FKBP6: variants seen among roughly 807,000 people sequenced by gnomAD.
The protein encoded by FKBP6 is inactive peptidyl-prolyl cis-trans isomerase FKBP6.
FKBP6 carries 29 observed loss-of-function variants against 41.7 expected under a neutral mutation model. The observed-to-expected ratio is 0.70, with a 90% CI of 0.52 to 0.95. FKBP6 has a LOEUF of 0.95. Ranked by LOEUF, FKBP6 falls within the 40% of genes least tolerant of loss-of-function variation. The pLI is 0.00. For missense variants in FKBP6, 338 were observed against 408.7 expected (o/e 0.83, Z 1.49); for synonymous variants, 130 against 165.1 (o/e 0.79, Z 1.63).
intron 8 of FKBP6, among the ~76,000 whole-genome samples, chr7:73,357,861 G>A (rs2116007276): frequency 6.6e-6 from 1 of 151,898 alleles, no homozygotes; most frequent in South Asian, 2.1e-4. Flanking sequence ...GGTGGTGCGT[G>A]CCTGTAATCC....
chr7:73,330,431 CT>C, intron 4 of FKBP6, 79 bp downstream of exon 4: 1 of 1,147,136 alleles, frequency 8.7e-7, no homozygotes, highest in South Asian at 1.3e-5. Flanking sequence ...TCTAGATGGC[CT>C]GCCCTGAGGC....
rs948767719 is a variant in FKBP6 at position 73,354,152 on chromosome 7, G to A, written c.*3-4029G>A. Among the ~76,000 whole-genome samples the A allele has an allele frequency of 1.4e-4, 21 of 152,176 alleles. 1 individual carries two copies. The highest frequency in any genetic ancestry group is 1.0e-3 in the South Asian group (5 of 4,826). On this transcript the variant is annotated intron_variant, in intron 8 of 8. Transcript: ENST00000252037. ...TGAGGCCTGGCCCACCCCCAAAACC[G>A]GGAGGTACCTGCAGGCGCTCTCATT...
At chr7:73,350,327 G>C (rs1169222436) in intron 8 of FKBP6, among the ~76,000 whole-genome samples, 1 of 152,110 alleles carries the variant, frequency 6.6e-6, no homozygotes, top group Non-Finnish European at 1.5e-5. Context: ...GCCTCAGATT[G>C]GGGAAGGAGT....
intron 8 of FKBP6, among the ~76,000 whole-genome samples, chr7:73,353,762 C>G (rs1805555097): frequency 6.8e-6 from 1 of 148,016 alleles, no homozygotes; most frequent in African/African-American, 2.5e-5. Context: ...GAGGCAAAGT[C>G]TCGCTCTATT....
chr7:73,341,404 A>G, intron 7 of FKBP6, 22 bp downstream of exon 7: 1 of 1,339,604 alleles, frequency 7.5e-7, no homozygotes, highest in South Asian at 1.2e-5. Context: ...TTGCAGGAGC[A>G]TGAAGAGAGA....
rs557753096 is a variant in FKBP6 at position 73,333,773 on chromosome 7, T to C, written c.588+1997T>C. On this transcript the variant is annotated intron_variant, in intron 5 of 8. Coordinates refer to ENST00000252037, the MANE Select transcript of FKBP6 (RefSeq NM_003602.5). ...TTAAATACATATTTGTCTAGAGTTG[T>C]TATTAAAAAGTCTTTTGGCTGGGCA... Among the ~76,000 whole-genome samples, 7 of 152,332 alleles carry C rather than the reference T, an allele frequency of 4.6e-5. No homozygotes were observed. In the South Asian group the frequency reaches 1.5e-3, roughly 32 times the overall value.
intron 5 of FKBP6, among the ~76,000 whole-genome samples, chr7:73,337,309 C>CTTTT (rs5884903): frequency 1.6e-4 from 18 of 112,462 alleles, no homozygotes; most frequent in East Asian, 2.8e-4. Context: ...CTTCCATGTT[C>CTTTT]TTTTTTTTTT....
chr7:73,331,246 C>T (rs1804832059), intron 4 of FKBP6, among the ~76,000 whole-genome samples: 1 of 152,132 alleles, frequency 6.6e-6, no homozygotes. Flanking sequence ...TGCTTGGTGG[C>T]CAAATAGTGG....
intron 5 of FKBP6, among the ~76,000 whole-genome samples, chr7:73,332,701 A>G (rs1003633455): frequency 6.6e-6 from 1 of 152,122 alleles, no homozygotes; most frequent in Non-Finnish European, 1.5e-5. Flanking sequence ...GCCTCTGTAT[A>G]TGTACTTGAA....
At position 73,330,339 on chromosome 7, in the gene FKBP6, G is replaced by A; in HGVS notation, c.455G>A (p.Cys152Tyr). The part of the protein sequence containing the change: ...FLDCAESDKF[C>Y]ALSAEQQDQF... ...GACTGTGCTGAGTCAGACAAGTTTT[G>A]TGCTCTCTCAGCTGTAAGTTCCAGA... Residue 152 changes from cysteine (C) to tyrosine (Y), a missense_variant, in exon 4 of 9, where the codon TGT becomes TAT. Coordinates refer to ENST00000252037, the MANE Select transcript of FKBP6 (RefSeq NM_003602.5). The A allele has an allele frequency of 6.2e-7, 1 of 1,613,336 alleles. No homozygotes were observed. The highest frequency in any genetic ancestry group is 8.5e-7 in the Non-Finnish European group (1 of 1,179,290).
At chr7:73,349,007 A>G (rs1188870979) in intron 8 of FKBP6, among the ~76,000 whole-genome samples, 2 of 152,104 alleles carry the variant, frequency 1.3e-5, no homozygotes, top group Non-Finnish European at 2.9e-5. Flanking sequence ...TGGGAGGCTA[A>G]GGCAGGAGGA....
At chr7:73,328,844 A>G (rs1408497769) in intron 2 of FKBP6, 152 bp downstream of exon 2, 16 of 1,390,288 alleles carry the variant, frequency 1.2e-5, no homozygotes, top group Non-Finnish European at 1.5e-5. Context: ...GGTCTTGCTC[A>G]GTTGCCCAGG....
At chr7:73,352,514 C>T (rs1170883399) in intron 8 of FKBP6, among the ~76,000 whole-genome samples, 1 of 152,144 alleles carries the variant, frequency 6.6e-6, no homozygotes, top group Non-Finnish European at 1.5e-5. Flanking sequence ...GCATGAGTCC[C>T]CGCCAGCTTT....
rs1224570769 is a variant in FKBP6, at chr7:73,340,520, G to C, written c.589-118G>C. On this transcript the variant is annotated intron_variant, in intron 5 of 8. Transcript: ENST00000252037. The stretch of plus-strand genomic sequence containing the variant: ...ATACCTGACTTCTTATGTTGATCTT[G>C]TGTCTTGCAACCTGTAACAGCCGAT... The C allele has an allele frequency of 3.9e-6, 3 of 774,950 alleles. No individual in the cohort carries two copies. The African/African-American group carries it at 5.1e-5, about 13-fold the overall frequency. The allele number at this position is 774,950 out of a possible 1,614,324, so 48.0% of individuals were successfully genotyped here. A position where few individuals can be genotyped will look rare whatever the true frequency, so the allele number is the denominator to read the frequency against.
At chr7:73,341,242 C>T (rs781812981) in intron 6 of FKBP6, 31 bp from the exon 7 acceptor site, 1 of 1,434,134 alleles carries the variant, frequency 7.0e-7, no homozygotes, top group Non-Finnish European at 9.8e-7. Context: ...TCTTTTCTAA[C>T]TGTGCTTTTA....
intron 5 of FKBP6, among the ~76,000 whole-genome samples, 156 bp from the exon 6 acceptor site, chr7:73,340,482 A>T (rs1485967906): frequency 3.3e-5 from 5 of 152,384 alleles, no homozygotes; most frequent in Admixed American, 1.3e-4. Context: ...TGAAAAAAGA[A>T]GAAAAAAGAA....
rs1554548270 is a variant in FKBP6 at position 73,334,895 on chromosome 7, C to T, written c.588+3119C>T. ...TTGGTGACTCTGCTGCAGATATTTT[C>T]AGATACCCAGTTCTCATTTCTGGGG... On this transcript the variant is annotated intron_variant, in intron 5 of 8. Transcript: ENST00000252037. Among the ~76,000 whole-genome samples, 3 of 152,224 alleles carry T rather than the reference C, an allele frequency of 2.0e-5. No homozygotes were observed. In the South Asian group the frequency reaches 6.2e-4, roughly 32 times the overall value.
At chr7:73,338,089 G>C (rs909194004) in intron 5 of FKBP6, among the ~76,000 whole-genome samples, 1 of 151,938 alleles carries the variant, frequency 6.6e-6, no homozygotes, top group Admixed American at 6.6e-5. Flanking sequence ...GCAGTGGCAC[G>C]ATCTCGGCTC....
At chr7:73,348,884 C>T (rs1485804504) in intron 8 of FKBP6, among the ~76,000 whole-genome samples, 1 of 152,082 alleles carries the variant, frequency 6.6e-6, no homozygotes, top group African/African-American at 2.4e-5. Context: ...GTGGGCAGAT[C>T]GCTTGAGGTC....
Sources: allele counts gnomAD v4.1 joint callset (sites outside exome capture counted in the v4.1 genomes callset), GRCh38; gene constraint gnomAD v4.1.1; transcripts MANE v1.5; gene names NCBI Gene and HGNC (gene_info 2026-07-23, HGNC 2026-07-21).